Variants in USP32 observed in about 807,000 individuals in gnomAD.
USP32 encodes ubiquitin specific peptidase 32.
In USP32, 59 loss-of-function variants were observed where a neutral mutation model predicts 204.8. The observed-to-expected ratio is 0.29, with a 90% CI of 0.23 to 0.36. The LOEUF (loss-of-function observed/expected upper bound fraction) is 0.36. USP32 is among the 10% of genes least tolerant of loss of function. USP32 has a pLI of 1.00. For synonymous variants in USP32, 517 were observed against 678.4 expected, an observed-to-expected ratio of 0.76 and a Z score of 3.70; for missense variants, 1,160 against 1,946.4, an observed-to-expected ratio of 0.60 and a Z score of 7.60.
At chr17:60,332,462 A>G (rs1012273822) in intron 2 of USP32, among the ~76,000 whole-genome samples, 12 of 152,014 alleles carry the variant, frequency 7.9e-5, no homozygotes, top group African/African-American at 2.9e-4. Flanking sequence ...AGCCTGGCCA[A>G]CATAGTGAAA....
chr17:60,317,362 A>T (rs2088005993), intron 2 of USP32, among the ~76,000 whole-genome samples: 1 of 151,332 alleles, frequency 6.6e-6, no homozygotes, highest in Non-Finnish European at 1.5e-5. Context: ...AAAAAAACTT[A>T]AAAATAAGCC....
intron 3 of USP32, 146 bp downstream of exon 3, chr17:60,301,453 T>C: frequency 3.8e-6 from 2 of 524,612 alleles, no homozygotes; most frequent in South Asian, 2.8e-5. Context: ...TGACTAATTA[T>C]GTTGCACATT....
chr17:60,219,444 T>A (rs1598086243), intron 16 of USP32: 2 of 509,494 alleles, frequency 3.9e-6, no homozygotes, highest in East Asian at 9.7e-5. Context: ...CCTCATCTAG[T>A]CTTGTGCATG....
intron 1 of USP32, among the ~76,000 whole-genome samples, chr17:60,361,734 A>T (rs144429400): frequency 1.3e-5 from 2 of 152,328 alleles, no homozygotes; most frequent in Admixed American, 1.3e-4. Context: ...ATGAAGAAAA[A>T]TCAATATCCA....
At chr17:60,229,748 C>T (rs1018091459) in intron 12 of USP32, among the ~76,000 whole-genome samples, 2 of 152,074 alleles carry the variant, frequency 1.3e-5, no homozygotes, top group African/African-American at 2.4e-5. Context: ...CAAGGTAATC[C>T]GTTTATAAAT....
intron 5 of USP32, among the ~76,000 whole-genome samples, chr17:60,279,839 ATAATAATAATAAT>A (rs1164677079): frequency 2.0e-5 from 3 of 149,782 alleles, no homozygotes; most frequent in Non-Finnish European, 4.4e-5. Flanking sequence ...CCTGTCTCAA[ATAATAATAATAAT>A]TAATAATAAT....
chr17:60,365,133 A>G (rs987513013), intron 1 of USP32, among the ~76,000 whole-genome samples: 3 of 152,144 alleles, frequency 2.0e-5, no homozygotes, highest in African/African-American at 7.2e-5. Flanking sequence ...TTCATTATCA[A>G]CTAAGCTCTA....
At position 60,246,413 on chromosome 17, in the gene USP32, A is replaced by ATATT. The variant is rs1203917798; in HGVS notation, c.1136+5967_1136+5968insAATA. 9.1e-4 allele frequency among the ~76,000 whole-genome samples: 130 copies of ATATT among 142,730 alleles called. 2 individuals carry two copies. The highest frequency in any genetic ancestry group is 3.1e-3 in the African/African-American group (118 of 38,492). 93.6% of individuals were successfully genotyped at this position (142,730 alleles called of 152,430 possible). ...TATGTGTGTGTGTATATATATATAT[A>ATATT]TTTTTTTTTTTTCTTTATCCATTCA... is the stretch of plus-strand genomic sequence containing the variant. On this transcript the variant is annotated intron_variant, in intron 11 of 33. Coordinates refer to ENST00000300896, the MANE Select transcript of USP32 (RefSeq NM_032582.4).
chr17:60,203,470 T>A lies in USP32; in HGVS notation c.3249+1977A>T, dbSNP rs35401208. On this transcript the variant is annotated intron_variant, in intron 26 of 33. Coordinates refer to ENST00000300896, the MANE Select transcript of USP32 (RefSeq NM_032582.4). ...CCACCAAATTTGTGGTAATTTGTTATAACAGTCCTAAGAAACCAATACAGT... is the reference window on the plus strand; with the variant it reads ...CCACCAAATTTGTGGTAATTTGTTAAAACAGTCCTAAGAAACCAATACAGT... Among the ~76,000 whole-genome samples the A allele has an allele frequency of 1.2e-3, 184 of 151,770 alleles. 1 individual carries two copies. Among genetic ancestry groups the A allele is most frequent in the African/African-American group, 4.2e-3 (175 of 41,366 alleles).
In USP32 at chr17:60,178,800, T is replaced by G. The variant is rs1032651202; in HGVS notation, c.*455A>C. 5.9e-5 allele frequency among the ~76,000 whole-genome samples: 9 copies of G among 152,266 alleles called. No individual in the cohort carries two copies. The highest frequency in any genetic ancestry group is 6.5e-5 in the Admixed American group (1 of 15,288). Reference sequence around the variant, plus strand: ...TCTTGCTTTCTCCATCTTGTCAATATAATGGAATAAAACTTCAGGAAAAAG... The same window carrying G: ...TCTTGCTTTCTCCATCTTGTCAATAGAATGGAATAAAACTTCAGGAAAAAG... On this transcript the variant is annotated 3_prime_UTR_variant, in exon 34 of 34. Transcript: ENST00000300896.
intron 1 of USP32, among the ~76,000 whole-genome samples, chr17:60,388,022 A>G (rs1335524712): frequency 1.3e-5 from 2 of 152,052 alleles, no homozygotes; most frequent in Admixed American, 6.6e-5. Context: ...AAGCTATATG[A>G]TCCTAGAGAG....
intron 15 of USP32, 99 bp downstream of exon 15, chr17:60,222,310 A>G: frequency 7.4e-7 from 1 of 1,357,342 alleles, no homozygotes; most frequent in Admixed American, 2.0e-5. Context: ...ACCACAAGGT[A>G]AGAGCTACTT....
intron 11 of USP32, among the ~76,000 whole-genome samples, chr17:60,251,189 T>C (rs2086157926): frequency 6.6e-6 from 1 of 151,996 alleles, no homozygotes; most frequent in African/African-American, 2.4e-5. Context: ...ACAATCCACC[T>C]GCCTTGGCTT....
In USP32 at chr17:60,202,136, T is replaced by C. The variant is rs558205519; in HGVS notation, c.3249+3311A>G. Among the ~76,000 whole-genome samples, 411 of 152,264 alleles carry C rather than the reference T, an allele frequency of 2.7e-3. 6 individuals are homozygous for C. Among genetic ancestry groups the C allele is most frequent in the Non-Finnish European group, 3.7e-3 (249 of 68,018 alleles). ...TGCCAAGTTTCATATGGATATCTAA[T>C]TGTCCCAGCACCACTTGCTGAGAAA... On this transcript the variant is annotated intron_variant, in intron 26 of 33. Transcript: ENST00000300896.
At chr17:60,214,306 T>A (rs1439743393) in intron 17 of USP32, among the ~76,000 whole-genome samples, 1 of 152,208 alleles carries the variant, frequency 6.6e-6, no homozygotes, top group East Asian at 1.9e-4. Context: ...GTAACAATAA[T>A]CTTTGAAAGA....
intron 3 of USP32, among the ~76,000 whole-genome samples, chr17:60,298,932 G>A (rs1478782541): frequency 2.0e-5 from 3 of 152,068 alleles, no homozygotes; most frequent in Non-Finnish European, 4.4e-5. Context: ...AGTCCAGCCT[G>A]GGCAACCTAG....
At chr17:60,353,187 GAC>G (rs1293940581) in intron 1 of USP32, among the ~76,000 whole-genome samples, 6 of 152,110 alleles carry the variant, frequency 3.9e-5, no homozygotes, top group Non-Finnish European at 8.8e-5. Flanking sequence ...TAGAAGAAGA[GAC>G]ACCAAAGGGC....
In USP32 at chr17:60,266,056, C is replaced by G. The variant is rs756459754; in HGVS notation, c.847G>C (p.Val283Leu). The change falls in exon 8 of 34, where the codon GTT becomes CTT. Residue 283 changes from valine to leucine, a missense_variant. Val to Leu is a conservative substitution (Grantham distance 32). This residue lies in a region of USP32 where 536 missense variants were observed against 680.9 expected (regional missense o/e 0.79). Transcript: ENST00000300896. ...FKVFDVDRDG[V>L]LSRVELRDMV... is the part of the protein sequence containing the mutation. ...TCTCTCAGTTCAACCCTGGAGAGAACTCCATCACGGTCAACATCAAATACC... is the reference window on the plus strand; with the variant it reads ...TCTCTCAGTTCAACCCTGGAGAGAAGTCCATCACGGTCAACATCAAATACC... The G allele has an allele frequency of 9.9e-6, 16 of 1,613,932 alleles. No homozygotes were observed. Among genetic ancestry groups the G allele is most frequent in the Non-Finnish European group, 1.4e-5 (16 of 1,179,966 alleles).
chr17:60,262,629 T>C (rs1305293566), intron 9 of USP32, among the ~76,000 whole-genome samples: 1 of 152,186 alleles, frequency 6.6e-6, no homozygotes, highest in African/African-American at 2.4e-5. Flanking sequence ...ACTCCTGAGT[T>C]TTGTACCCAA....
Sources: gnomAD v4.1 joint callset for allele counts (sites outside exome capture counted in the v4.1 genomes callset) on GRCh38, gnomAD v4.1.1 for gene constraint, gnomAD v4.1.1 regional missense constraint, MANE v1.5 for transcripts, NCBI Gene and HGNC (gene_info 2026-07-23, HGNC 2026-07-21) for gene names.